The following JAK1 variants were observed in gnomAD, a reference collection of about 807,000 sequenced individuals.
The protein encoded by JAK1 is tyrosine-protein kinase JAK1.
JAK1 carries 16 observed loss-of-function variants against 136.6 expected under a neutral mutation model. That is an observed-to-expected ratio of 0.12 (90% CI 0.08 to 0.18). The LOEUF is 0.18. Ranked by LOEUF, JAK1 falls within the 10% of genes least tolerant of loss-of-function variation. The pLI, the probability that JAK1 is intolerant of heterozygous loss-of-function variation, is 1.00. For synonymous variants in JAK1, 492 were observed against 519.5 expected (o/e 0.95, Z 0.72); for missense variants, 859 against 1,450.1 (o/e 0.59, Z 6.62).
In JAK1 at chr1:65,013,682, T is replaced by C. The variant is rs1184907396; in HGVS notation, c.-78+30798A>G. 2.0e-5 allele frequency among the ~76,000 whole-genome samples: 3 copies of C among 152,186 alleles called. No individual in the cohort carries two copies. In the South Asian group the frequency reaches 6.2e-4, roughly 31 times the overall value. ...GCAAAGGAACAAATACAAATCCATTTTGAGAAGTTACCCTCATCCTGGGCC... is the reference window on the plus strand; with the variant it reads ...GCAAAGGAACAAATACAAATCCATTCTGAGAAGTTACCCTCATCCTGGGCC... On this transcript the variant is annotated intron_variant, in intron 2 of 25. Transcript: ENST00000671954.
chr1:64,957,545 T>C (rs1456523132), intron 1 of JAK1, among the ~76,000 whole-genome samples: 1 of 152,222 alleles, frequency 6.6e-6, no homozygotes, highest in African/African-American at 2.4e-5. Flanking sequence ...GTGCAGTGGC[T>C]CATGCCTGTA....
chr1:64,860,126 T>C lies in JAK1; in HGVS notation c.1313A>G (p.Asn438Ser). The change falls in exon 9 of 25, where the codon AAT (asparagine) becomes AGT (serine). Residue 438 changes from asparagine to serine, a missense_variant. Physicochemically the swap from Asn to Ser is conservative, Grantham distance 46. Coordinates refer to ENST00000342505, the MANE Select transcript of JAK1 (RefSeq NM_002227.4). ...APPLIVHNIQ[N>S]GCHGPICTEY... ...CAACCAGATTGGACCATGACAGCCA[T>C]TCTGTATGTTGTGGACGATCAACGG... 5 of 1,592,756 alleles carry C rather than the reference T, an allele frequency of 3.1e-6. No homozygotes were observed. Among genetic ancestry groups the C allele is most frequent in the Non-Finnish European group, 4.3e-6 (5 of 1,166,162 alleles).
chr1:64,871,458 C>T (rs545321899), intron 5 of JAK1, among the ~76,000 whole-genome samples: 6 of 152,280 alleles, frequency 3.9e-5, no homozygotes, highest in East Asian at 1.9e-4. Flanking sequence ...AAATAAATGA[C>T]GGCTTTTCCT....
intron 1 of JAK1, among the ~76,000 whole-genome samples, chr1:64,914,131 G>A (rs1645350844): frequency 6.6e-6 from 1 of 152,200 alleles, no homozygotes; most frequent in Non-Finnish European, 1.5e-5. Context: ...TTTGAGAGCA[G>A]CTGACAGAAG....
At chr1:64,890,887 C>T (rs1644925239) in intron 1 of JAK1, among the ~76,000 whole-genome samples, 1 of 152,098 alleles carries the variant, frequency 6.6e-6, no homozygotes, top group African/African-American at 2.4e-5. Flanking sequence ...GTCATTGCAA[C>T]CTGGGTTTGA....
chr1:65,063,823 A>AG, intron 1 of JAK1, among the ~76,000 whole-genome samples: 1 of 146,550 alleles, frequency 6.8e-6, no homozygotes, highest in Admixed American at 6.7e-5. Flanking sequence ...AAAAAAAAAA[A>AG]GAAAGAAAAA....
intron 1 of JAK1, among the ~76,000 whole-genome samples, chr1:64,919,867 C>T (rs78825027): frequency 0.14 from 20,981 of 152,010 alleles, 1,621 homozygotes; most frequent in East Asian, 0.28. Flanking sequence ...GCCTGACGGA[C>T]ACCCTAGATC....
chr1:64,898,377 C>CCCTG (rs1645056720), intron 1 of JAK1, among the ~76,000 whole-genome samples: 1 of 152,190 alleles, frequency 6.6e-6, no homozygotes, highest in Non-Finnish European at 1.5e-5. Flanking sequence ...AAACCAGAGG[C>CCCTG]CAGGAGGCCA....
intron 12 of JAK1, among the ~76,000 whole-genome samples, chr1:64,848,699 C>T (rs565447160): frequency 2.6e-4 from 40 of 152,260 alleles, no homozygotes; most frequent in African/African-American, 8.2e-4. Flanking sequence ...TAGGCAATGT[C>T]AAGTTGTTGA....
chr1:65,022,639 G>A (rs140945685), intron 2 of JAK1, among the ~76,000 whole-genome samples: 10 of 152,282 alleles, frequency 6.6e-5, no homozygotes, highest in African/African-American at 1.9e-4. Flanking sequence ...TAAGCAACTT[G>A]AAGAAGGTAA....
At chr1:65,020,210 A>C (rs1217054293) in intron 2 of JAK1, among the ~76,000 whole-genome samples, 1 of 145,690 alleles carries the variant, frequency 6.9e-6, no homozygotes. Flanking sequence ...GGGCAAAAAG[A>C]GCAAAACTCC....
At chr1:64,963,672 C>A (rs566601415) in intron 1 of JAK1, among the ~76,000 whole-genome samples, 1 of 152,136 alleles carries the variant, frequency 6.6e-6, no homozygotes, top group Admixed American at 6.5e-5. Context: ...TGACTTCCCC[C>A]CAAAACTCTG....
chr1:65,047,336 A>G (rs1647193283), intron 1 of JAK1, among the ~76,000 whole-genome samples: 1 of 152,224 alleles, frequency 6.6e-6, no homozygotes, highest in Admixed American at 6.5e-5. Flanking sequence ...ATATCTGTAA[A>G]TGGGATGATA....
intron 1 of JAK1, among the ~76,000 whole-genome samples, chr1:64,948,425 G>C (rs1034328355): frequency 1.3e-5 from 2 of 152,224 alleles, no homozygotes; most frequent in African/African-American, 4.8e-5. Flanking sequence ...GCTGAACAGA[G>C]GTGCCTGAGG....
At position 64,896,132 on chromosome 1, in the gene JAK1, T is replaced by C. The variant is rs150870733; in HGVS notation, c.-77-9791A>G. Among the ~76,000 whole-genome samples, 5 of 152,372 alleles carry C rather than the reference T, an allele frequency of 3.3e-5. No homozygotes were observed. In the East Asian group the frequency reaches 9.6e-4, roughly 29 times the overall value. On this transcript the variant is annotated intron_variant, in intron 1 of 24. Coordinates refer to ENST00000342505, the MANE Select transcript of JAK1 (RefSeq NM_002227.4). The stretch of plus-strand genomic sequence containing the variant: ...AAACGGTGATCAGATGCAGTTATTC[T>C]TTCTCAAGATAAATGCTCCTTTTCC...
chr1:65,003,331 G>C (rs1400993399), intron 2 of JAK1: 1 of 152,108 alleles, frequency 6.6e-6, no homozygotes, highest in Non-Finnish European at 1.5e-5. Context: ...CTAGGTTGGC[G>C]CCGGGTGACT....
rs1369499617 is a variant in JAK1, at chr1:64,860,160, C to T, written c.1279G>A (p.Val427Met). Reference sequence around the variant, plus strand: ...TTGTGGACGATCAACGGGGGGGCCACGTCGGTGCAGAGGTAATGATGGGCA... The same window carrying T: ...TTGTGGACGATCAACGGGGGGGCCATGTCGGTGCAGAGGTAATGATGGGCA... ...ADAHHYLCTD[V>M]APPLIVHNIQ... The change falls in exon 9 of 25, where the codon GTG becomes ATG. Residue 427 changes from valine (V) to methionine (M), a missense_variant. Physicochemically the swap from Val to Met is conservative, Grantham distance 21. Transcript: ENST00000342505. 6.2e-7 allele frequency: 1 copy of T among 1,605,628 alleles called. No individual in the cohort carries two copies. The highest frequency in any genetic ancestry group is 8.5e-7 in the Non-Finnish European group (1 of 1,174,196).
chr1:64,917,695 G>A (rs1157371336), intron 1 of JAK1, among the ~76,000 whole-genome samples: 1 of 152,156 alleles, frequency 6.6e-6, no homozygotes, highest in Non-Finnish European at 1.5e-5. Flanking sequence ...GCCTGAATCA[G>A]CAGAAGACTA....
intron 1 of JAK1, among the ~76,000 whole-genome samples, chr1:64,928,956 C>A (rs1350218972): frequency 1.3e-5 from 2 of 152,018 alleles, no homozygotes; most frequent in Non-Finnish European, 2.9e-5. Flanking sequence ...TCCTGTAGAC[C>A]TCAGAATAAA....
Sources: gnomAD v4.1 joint callset for allele counts (sites outside exome capture counted in the v4.1 genomes callset) on GRCh38, gnomAD v4.1.1 for gene constraint, MANE v1.5 for transcripts, NCBI Gene and HGNC (gene_info 2026-07-23, HGNC 2026-07-21) for gene names.